OTOF: variants seen among roughly 807,000 people sequenced by gnomAD.
The protein encoded by OTOF is otoferlin.
In OTOF, 218 loss-of-function variants were observed where a neutral mutation model predicts 236.8. The observed-to-expected ratio is 0.92, with a 90% CI of 0.82 to 1.03. OTOF has a LOEUF of 1.03. Ranked by LOEUF, OTOF falls within the 50% of genes least tolerant of loss-of-function variation. The pLI is 0.00. For missense variants in OTOF, 2,590 were observed against 2,694.4 expected (o/e 0.96, Z 0.86); for synonymous variants, 1,041 against 1,072.5 (o/e 0.97, Z 0.57).
intron 2 of OTOF, among the ~76,000 whole-genome samples, chr2:26,534,828 C>A (rs567434929): frequency 3.9e-5 from 6 of 152,276 alleles, no homozygotes; most frequent in African/African-American, 1.4e-4. Flanking sequence ...AGGCCCTGGG[C>A]AGAGTAAGAC....
chr2:26,465,473 ATCCACTGTCCCTC>A (rs1290952042), intron 38 of OTOF, among the ~76,000 whole-genome samples, 186 bp downstream of exon 38: 1 of 152,162 alleles, frequency 6.6e-6, no homozygotes, highest in East Asian at 1.9e-4. Context: ...CTGTCCTGGA[ATCCACTGTCCCTC>A]TCCTTGTTTT....
Position 26,480,202 on chromosome 2 carries a change from C to G in OTOF, c.1912+1G>C, listed in dbSNP as rs1477293410. The G allele has an allele frequency of 6.3e-7, 1 of 1,596,538 alleles. No individual in the cohort carries two copies. The highest frequency in any genetic ancestry group is 1.3e-5 in the African/African-American group (1 of 74,738). Reference sequence around the variant, plus strand: ...GAAGCCCCCGTGGGCCCAGCACTCACCTATGGTGACCTCAAAGGTGATGGG... The same window carrying G: ...GAAGCCCCCGTGGGCCCAGCACTCAGCTATGGTGACCTCAAAGGTGATGGG... On this transcript the variant is annotated splice_donor_variant, in intron 16 of 46. Transcript: ENST00000272371. LOFTEE classifies it high-confidence loss of function.
chr2:26,517,961 G>C (rs996759689), intron 4 of OTOF, among the ~76,000 whole-genome samples: 1 of 152,142 alleles, frequency 6.6e-6, no homozygotes, highest in African/African-American at 2.4e-5. Flanking sequence ...CTTCCCATGG[G>C]TGTCCATACA....
chr2:26,497,865 C>T (rs549738619), intron 8 of OTOF, among the ~76,000 whole-genome samples: 12 of 150,658 alleles, frequency 8.0e-5, no homozygotes, highest in South Asian at 6.2e-4. Flanking sequence ...AGAGAGCAAA[C>T]GGACACTAGA....
chr2:26,546,461 C>G (rs1372186472), intron 1 of OTOF, among the ~76,000 whole-genome samples: 3 of 111,198 alleles, frequency 2.7e-5, no homozygotes, highest in Non-Finnish European at 5.7e-5. Context: ...AACTCTGTCT[C>G]AAAAAGAAAA....
chr2:26,473,348 G>A lies in OTOF; in HGVS notation c.3571-54C>T. On this transcript the variant is annotated intron_variant, in intron 28 of 46. Transcript: ENST00000272371. The surrounding 1 kb of genome is among the most constrained non-coding windows in gnomAD (Gnocchi z 7.2). ...CTCCAAGAAGGGGCAGAGGAAGCCG[G>A]CTGGCTGAGTGGAGCCACACTGGCC... The A allele has an allele frequency of 1.2e-6, 2 of 1,612,930 alleles. No homozygotes were observed. The highest frequency in any genetic ancestry group is 1.7e-6 in the Non-Finnish European group (2 of 1,179,806).
In OTOF at chr2:26,551,150, C is replaced by T. The variant is rs150845385; in HGVS notation, c.79+7343G>A. ...GATTATAGGCGTGCACCACCACGCC[C>T]GGCTAATTTTTGTGTTTTTAGTAGA... On this transcript the variant is annotated intron_variant, in intron 1 of 46. Coordinates refer to ENST00000272371, the MANE Select transcript of OTOF (RefSeq NM_194248.3). 5.1e-3 allele frequency among the ~76,000 whole-genome samples: 783 copies of T among 152,258 alleles called. 7 individuals are homozygous for T. Among genetic ancestry groups the T allele is most frequent in the Admixed American group, 9.4e-3 (144 of 15,308 alleles).
Position 26,499,977 on chromosome 2 carries a change from G to A in OTOF, c.765+1777C>T, listed in dbSNP as rs971159961. Among the ~76,000 whole-genome samples, 4 of 152,292 alleles carry A rather than the reference G, an allele frequency of 2.6e-5. No homozygotes were observed. The East Asian group carries it at 7.7e-4, about 29-fold the overall frequency. ...GTTCGGTTTAAAAAGTCTTTGGAGGGGACAATGTCTGGTCCAGTTAATAAA... is the reference window on the plus strand; with the variant it reads ...GTTCGGTTTAAAAAGTCTTTGGAGGAGACAATGTCTGGTCCAGTTAATAAA... On this transcript the variant is annotated intron_variant, in intron 8 of 46. Coordinates refer to ENST00000272371, the MANE Select transcript of OTOF (RefSeq NM_194248.3).
At chr2:26,539,172 T>C (rs1264226211) in intron 1 of OTOF, among the ~76,000 whole-genome samples, 2 of 151,928 alleles carry the variant, frequency 1.3e-5, no homozygotes, top group Admixed American at 6.6e-5. Flanking sequence ...GAAACAGTAA[T>C]GGTACAGAGA....
chr2:26,458,916 C>A (rs1051512036), intron 46 of OTOF, among the ~76,000 whole-genome samples: 3 of 152,232 alleles, frequency 2.0e-5, no homozygotes, highest in Non-Finnish European at 4.4e-5. Context: ...TGCAGGGCAC[C>A]TGGTTTTGAA....
At chr2:26,500,419 C>A (rs952292799) in intron 8 of OTOF, among the ~76,000 whole-genome samples, 1 of 152,190 alleles carries the variant, frequency 6.6e-6, no homozygotes, top group African/African-American at 2.4e-5. Flanking sequence ...TGACATGATA[C>A]CTGAGTTGGG....
chr2:26,480,038 G>C (rs1316823384), intron 16 of OTOF, among the ~76,000 whole-genome samples, 165 bp downstream of exon 16: 1 of 152,246 alleles, frequency 6.6e-6, no homozygotes, highest in African/African-American at 2.4e-5. Context: ...AAGGTGTTTT[G>C]TGGGTGCTTG....
At chr2:26,468,346 C>T in intron 33 of OTOF, 62 bp downstream of exon 33, 2 of 1,235,242 alleles carry the variant, frequency 1.6e-6, no homozygotes, top group Admixed American at 1.7e-5. Flanking sequence ...ATGAGGTGGG[C>T]AGGAGAGCTG....
intron 9 of OTOF, among the ~76,000 whole-genome samples, chr2:26,491,772 A>T (rs139286525): frequency 9.8e-5 from 15 of 152,348 alleles, no homozygotes; most frequent in South Asian, 4.1e-4. Context: ...CCCTGCACAC[A>T]GGCAGGCTCA....
chr2:26,558,437 C>T, intron 1 of OTOF, 56 bp downstream of exon 1: 2 of 1,493,510 alleles, frequency 1.3e-6, no homozygotes, highest in East Asian at 4.5e-5. Context: ...ACCTCCAGAG[C>T]ATGGGCTGGT....
At chr2:26,545,231 T>TC (rs1406076383) in intron 1 of OTOF, among the ~76,000 whole-genome samples, 9 of 152,228 alleles carry the variant, frequency 5.9e-5, no homozygotes, top group African/African-American at 1.9e-4. Context: ...CTTTGTAATT[T>TC]TGATCTTCAT....
intron 2 of OTOF, among the ~76,000 whole-genome samples, chr2:26,530,653 C>T (rs760131361): frequency 1.3e-5 from 2 of 152,174 alleles, no homozygotes; most frequent in African/African-American, 4.8e-5. Flanking sequence ...TCCTTCCCTC[C>T]CGCATCATTC....
intron 9 of OTOF, among the ~76,000 whole-genome samples, chr2:26,493,329 G>T (rs1443267842): frequency 1.3e-5 from 2 of 152,142 alleles, no homozygotes; most frequent in Admixed American, 6.5e-5. Context: ...CCTGAGAAAT[G>T]CCCTCCCCCA....
At chr2:26,467,328 C>T in intron 34 of OTOF, 37 bp downstream of exon 34, 1 of 1,613,752 alleles carries the variant, frequency 6.2e-7, no homozygotes, top group African/African-American at 1.3e-5. Context: ...CTTCCCGCCC[C>T]CACACACCCT....
Sources: allele counts gnomAD v4.1 joint callset (sites outside exome capture counted in the v4.1 genomes callset), GRCh38; gene constraint gnomAD v4.1.1; non-coding constraint Gnocchi (gnomAD v3.1); transcripts MANE v1.5; gene names NCBI Gene and HGNC (gene_info 2026-07-23, HGNC 2026-07-21).